The following CNGB3 variants were observed in gnomAD, a reference collection of about 807,000 sequenced individuals.
CNGB3 encodes the protein cyclic nucleotide-gated channel beta-3.
Under a neutral mutation model 92.8 loss-of-function variants are expected in CNGB3, and 86 were observed. That is an observed-to-expected ratio of 0.93 (90% confidence interval 0.78 to 1.11). The LOEUF is 1.11. CNGB3 is among the 50% of genes least tolerant of loss of function. The pLI, the probability that CNGB3 is intolerant of heterozygous loss-of-function variation, is 0.00. For missense variants in CNGB3, 1,026 were observed against 956.8 expected, an observed-to-expected ratio of 1.07 and a Z score of -0.95; for synonymous variants, 333 against 332.7, an observed-to-expected ratio of 1.00 and a Z score of -0.01.
intron 3 of CNGB3, among the ~76,000 whole-genome samples, chr8:86,709,484 G>A (rs1824710921): frequency 1.3e-5 from 2 of 152,150 alleles, no homozygotes; most frequent in Non-Finnish European, 2.9e-5. Flanking sequence ...GTTGCAATAT[G>A]AACAGCTGCA....
intron 3 of CNGB3, among the ~76,000 whole-genome samples, chr8:86,709,706 A>G (rs1563762624): frequency 6.6e-6 from 1 of 152,206 alleles, no homozygotes; most frequent in East Asian, 1.9e-4. Context: ...GTTAAAAAAA[A>G]TAAATGAAAA....
At chr8:86,633,445 C>T (rs927047841) in intron 10 of CNGB3, among the ~76,000 whole-genome samples, 2 of 152,150 alleles carry the variant, frequency 1.3e-5, no homozygotes, top group Non-Finnish European at 2.9e-5. Flanking sequence ...TTTTTTCATT[C>T]AGCCTCTCAA....
intron 3 of CNGB3, among the ~76,000 whole-genome samples, chr8:86,679,194 G>T (rs1000562911): frequency 3.3e-5 from 5 of 152,052 alleles, no homozygotes; most frequent in African/African-American, 1.2e-4. Context: ...ATCATATTCT[G>T]TATTCACTTT....
chr8:86,650,636 T>G (rs1823383716), intron 7 of CNGB3, among the ~76,000 whole-genome samples: 1 of 151,566 alleles, frequency 6.6e-6, no homozygotes, highest in Non-Finnish European at 1.5e-5. Context: ...TTCCTGAAAG[T>G]GGCCATATTA....
intron 3 of CNGB3, among the ~76,000 whole-genome samples, chr8:86,684,177 T>C (rs1022521520): frequency 6.6e-6 from 1 of 152,076 alleles, no homozygotes; most frequent in African/African-American, 2.4e-5. Context: ...AATTATGAAG[T>C]GGGTAAAACA....
At chr8:86,735,816 A>T (rs558525216) in intron 2 of CNGB3, among the ~76,000 whole-genome samples, 4 of 152,320 alleles carry the variant, frequency 2.6e-5, no homozygotes, top group African/African-American at 9.6e-5. Flanking sequence ...GATTTTAGAG[A>T]TTATGGTGTG....
intron 3 of CNGB3, among the ~76,000 whole-genome samples, chr8:86,709,551 A>G (rs1195859932): frequency 6.6e-6 from 1 of 152,202 alleles, no homozygotes; most frequent in East Asian, 1.9e-4. Flanking sequence ...TGTTGGCATG[A>G]AAACGAGTTG....
At chr8:86,659,403 C>T (rs1823586478) in intron 6 of CNGB3, 3 of 729,320 alleles carry the variant, frequency 4.1e-6, no homozygotes, top group South Asian at 3.0e-5. Context: ...CTTGGCCTCT[C>T]CAGCTTCTTT....
At chr8:86,648,282 A>G (rs1005398409) in intron 7 of CNGB3, among the ~76,000 whole-genome samples, 8 of 151,162 alleles carry the variant, frequency 5.3e-5, no homozygotes, top group South Asian at 2.1e-4. Context: ...TTGTACTTTC[A>G]TTGTAGTGAT....
Position 86,712,499 on chromosome 8 carries a change from T to C in CNGB3, c.338+14032A>G, listed in dbSNP as rs115110145. On this transcript the variant is annotated intron_variant, in intron 3 of 17. Transcript: ENST00000320005. Reference sequence around the variant, plus strand: ...CAAGGGACAAATTCAAATTTAGATTTTTCCATATGGCTACTTAGTTACTCC... The same window carrying C: ...CAAGGGACAAATTCAAATTTAGATTCTTCCATATGGCTACTTAGTTACTCC... 6.2e-3 allele frequency among the ~76,000 whole-genome samples: 944 copies of C among 152,232 alleles called. 4 individuals are homozygous for C. Among genetic ancestry groups the C allele is most frequent in the African/African-American group, 0.02 (831 of 41,542 alleles).
At chr8:86,742,409 C>T (rs758897718) in intron 1 of CNGB3, among the ~76,000 whole-genome samples, 16 of 152,186 alleles carry the variant, frequency 1.1e-4, no homozygotes, top group Non-Finnish European at 2.4e-4. Context: ...TCCTCCTCAT[C>T]TCCTCTCTAC....
chr8:86,731,606 A>C (rs566824946), intron 2 of CNGB3, among the ~76,000 whole-genome samples: 33 of 152,292 alleles, frequency 2.2e-4, no homozygotes, highest in Non-Finnish European at 4.1e-4. Flanking sequence ...TTTTATATAT[A>C]GGTATTAAGG....
At chr8:86,634,680 A>T (rs1722358469) in intron 10 of CNGB3, among the ~76,000 whole-genome samples, 1 of 151,772 alleles carries the variant, frequency 6.6e-6, no homozygotes, top group East Asian at 1.9e-4. Context: ...ACAGACACAG[A>T]AAAGGAGTAC....
At chr8:86,577,992 C>G (rs771584854) in intron 17 of CNGB3, among the ~76,000 whole-genome samples, 1 of 152,036 alleles carries the variant, frequency 6.6e-6, no homozygotes, top group Admixed American at 6.6e-5. Flanking sequence ...TCACTACAAC[C>G]TTTGCCTCCC....
At chr8:86,707,364 A>G (rs1824669327) in intron 3 of CNGB3, among the ~76,000 whole-genome samples, 2 of 152,236 alleles carry the variant, frequency 1.3e-5, no homozygotes, top group Admixed American at 1.3e-4. Context: ...AAAGTAAGGA[A>G]GACAAAGAGT....
At chr8:86,702,534 T>G (rs1457257770) in intron 3 of CNGB3, among the ~76,000 whole-genome samples, 1 of 152,218 alleles carries the variant, frequency 6.6e-6, no homozygotes, top group East Asian at 1.9e-4. Flanking sequence ...GATATAGATA[T>G]TTCTAAGAAT....
At chr8:86,694,409 A>G (rs1172932484) in intron 3 of CNGB3, among the ~76,000 whole-genome samples, 6 of 145,582 alleles carry the variant, frequency 4.1e-5, no homozygotes, top group Middle Eastern at 8.3e-3. Flanking sequence ...GCTGACCCCC[A>G]CCTCCCTCCC....
At chr8:86,584,978 A>T (rs1821864066) in intron 15 of CNGB3, among the ~76,000 whole-genome samples, 1 of 152,198 alleles carries the variant, frequency 6.6e-6, no homozygotes, top group African/African-American at 2.4e-5. Flanking sequence ...TAATCCTACC[A>T]TCTACTGTGT....
At chr8:86,741,225 T>C (rs1001467892) in intron 1 of CNGB3, among the ~76,000 whole-genome samples, 9 of 152,212 alleles carry the variant, frequency 5.9e-5, no homozygotes, top group Non-Finnish European at 8.8e-5. Context: ...TTTTGAAAGG[T>C]CGAATTCCGT....
Sources: gnomAD v4.1 joint callset for allele counts (sites outside exome capture counted in the v4.1 genomes callset) on GRCh38, gnomAD v4.1.1 for gene constraint, MANE v1.5 for transcripts, NCBI Gene and HGNC (gene_info 2026-07-23, HGNC 2026-07-21) for gene names.